PDZD2: variants seen among roughly 807,000 people sequenced by gnomAD.
PDZD2 encodes PDZ domain-containing protein 2.
Under a neutral mutation model 220.7 loss-of-function variants are expected in PDZD2, and 90 were observed. The observed-to-expected ratio is 0.41, with a 90% CI of 0.34 to 0.49. The LOEUF (loss-of-function observed/expected upper bound fraction) is 0.49. PDZD2 is among the 20% of genes least tolerant of loss of function. PDZD2 has a pLI of 0.28. For synonymous variants in PDZD2, 1,375 were observed against 1,450.5 expected (o/e 0.95, Z 1.18); for missense variants, 3,174 against 3,608.5 (o/e 0.88, Z 3.08).
chr5:31,966,243 A>ATG (rs1347615118), intron 2 of PDZD2, among the ~76,000 whole-genome samples: 1 of 152,130 alleles, frequency 6.6e-6, no homozygotes, highest in Non-Finnish European at 1.5e-5. Context: ...AAATGAGCTG[A>ATG]TGTGTGTGTG....
intron 24 of PDZD2, among the ~76,000 whole-genome samples, 168 bp from the exon 25 acceptor site, chr5:32,107,801 A>T (rs1431873402): frequency 2.0e-5 from 3 of 152,140 alleles, no homozygotes; most frequent in Non-Finnish European, 4.4e-5. Flanking sequence ...TTTTCTGTAG[A>T]CCAGTTTACT....
chr5:31,795,015 C>G lies in PDZD2; in HGVS notation c.-360-3874C>G, dbSNP rs184958982. Among the ~76,000 whole-genome samples the G allele has an allele frequency of 5.1e-4, 78 of 152,298 alleles. No individual in the cohort carries two copies. In the Middle Eastern group the frequency reaches 0.014, roughly 27 times the overall value. ...CCCAGCCACGTTAAGGATCTAGGCTCTGAATTTCGGGTGACCCTAGGCCTA... is the reference window on the plus strand; with the variant it reads ...CCCAGCCACGTTAAGGATCTAGGCTGTGAATTTCGGGTGACCCTAGGCCTA... On this transcript the variant is annotated intron_variant, in intron 1 of 24. Transcript: ENST00000438447.
chr5:31,924,391 G>A (rs1343127248), intron 2 of PDZD2, among the ~76,000 whole-genome samples: 2 of 152,174 alleles, frequency 1.3e-5, no homozygotes, highest in Non-Finnish European at 2.9e-5. Context: ...GTCCATGATG[G>A]GGAGAAGCTT....
chr5:31,953,074 AAAAG>A (rs1346325897), intron 2 of PDZD2, among the ~76,000 whole-genome samples: 20 of 151,852 alleles, frequency 1.3e-4, no homozygotes, highest in African/African-American at 4.1e-4. Flanking sequence ...AAAAAAAAAA[AAAAG>A]AAAGAAAAAT....
At chr5:32,056,308 C>T (rs987376252) in intron 10 of PDZD2, among the ~76,000 whole-genome samples, 3 of 148,616 alleles carry the variant, frequency 2.0e-5, no homozygotes, top group Non-Finnish European at 3.0e-5. Flanking sequence ...TGTAACTCAT[C>T]TACAGGATTC....
At chr5:31,889,614 GC>G (rs1740824991) in intron 2 of PDZD2, among the ~76,000 whole-genome samples, 1 of 152,202 alleles carries the variant, frequency 6.6e-6, no homozygotes, top group Non-Finnish European at 1.5e-5. Context: ...AGGGGGAAAA[GC>G]CCTTTACTCG....
chr5:31,943,540 G>A (rs1338836044), intron 2 of PDZD2, among the ~76,000 whole-genome samples: 1 of 152,198 alleles, frequency 6.6e-6, no homozygotes, highest in South Asian at 2.1e-4. Flanking sequence ...TGTACATTCG[G>A]AATGTAATAT....
At position 31,867,630 on chromosome 5, in the gene PDZD2, A is replaced by G. The variant is rs528012820; in HGVS notation, c.476+67906A>G. 2.6e-5 allele frequency among the ~76,000 whole-genome samples: 4 copies of G among 152,296 alleles called. No homozygotes were observed. The East Asian group carries it at 5.8e-4, about 22-fold the overall frequency. ...AAAATCAAAATATTTTGGCTCCACT[A>G]AATCTACAGCTTCAAGTTGGATTCA... is the stretch of plus-strand genomic sequence containing the variant. On this transcript the variant is annotated intron_variant, in intron 2 of 24. Coordinates refer to ENST00000438447, the MANE Select transcript of PDZD2 (RefSeq NM_178140.4).
At chr5:31,840,648 A>C (rs1468234523) in intron 2 of PDZD2, 1 of 724,752 alleles carries the variant, frequency 1.4e-6, no homozygotes, top group Non-Finnish European at 2.5e-6. Flanking sequence ...CATTTTCCTC[A>C]CGCGTTTCAG....
intron 2 of PDZD2, among the ~76,000 whole-genome samples, chr5:31,903,644 CAAAAA>C (rs59822169): frequency 6.0e-5 from 6 of 99,722 alleles, no homozygotes; most frequent in Non-Finnish European, 8.1e-5. Context: ...GACCCTGTCT[CAAAAA>C]AAAAAAAAAA....
chr5:31,777,163 G>C (rs575688178), intron 1 of PDZD2, among the ~76,000 whole-genome samples: 1 of 152,160 alleles, frequency 6.6e-6, no homozygotes, highest in Non-Finnish European at 1.5e-5. Context: ...CGTGAGTTCC[G>C]GGTGGGCACG....
At chr5:31,984,366 C>T (rs1750544138) in intron 3 of PDZD2, among the ~76,000 whole-genome samples, 1 of 152,138 alleles carries the variant, frequency 6.6e-6, no homozygotes, top group Non-Finnish European at 1.5e-5. Flanking sequence ...ACATTCTGTC[C>T]TATGAGAATT....
intron 1 of PDZD2, among the ~76,000 whole-genome samples, chr5:31,750,004 G>A (rs1750849537): frequency 6.6e-6 from 1 of 152,186 alleles, no homozygotes; most frequent in Admixed American, 6.5e-5. Context: ...GGCCATCCAG[G>A]ACTGCGGAAT....
At position 32,089,915 on chromosome 5, in the gene PDZD2, A is replaced by G; in HGVS notation, c.6467A>G (p.Gln2156Arg). Reference protein sequence around the residue: ...SLPSHASQAEQEMSRSFSMAK... With the variant: ...SLPSHASQAEREMSRSFSMAK... Reference sequence around the variant, plus strand: ...CCATCTCATGCCTCCCAGGCAGAGCAGGAAATGTCACGATCATTCAGCATG... The same window carrying G: ...CCATCTCATGCCTCCCAGGCAGAGCGGGAAATGTCACGATCATTCAGCATG... Residue 2156 changes from glutamine (Q) to arginine (R), a missense_variant, in exon 20 of 25, where the codon CAG (glutamine) becomes CGG (arginine). Around this residue, in one of 4 missense-constraint regions of PDZD2, gnomAD observed 1,861 missense variants for 2,001.0 expected, o/e 0.93. Coordinates refer to ENST00000438447, the MANE Select transcript of PDZD2 (RefSeq NM_178140.4). 6.2e-7 allele frequency: 1 copy of G among 1,612,390 alleles called. No homozygotes were observed. The highest frequency in any genetic ancestry group is 8.5e-7 in the Non-Finnish European group (1 of 1,179,078).
intron 2 of PDZD2, among the ~76,000 whole-genome samples, chr5:31,951,688 GC>G (rs1216651098): frequency 6.6e-6 from 1 of 152,144 alleles, no homozygotes; most frequent in Non-Finnish European, 1.5e-5. Flanking sequence ...CTTAGAACGT[GC>G]TGTTACATCA....
intron 1 of PDZD2, among the ~76,000 whole-genome samples, chr5:31,789,703 C>T (rs559831037): frequency 1.5e-3 from 229 of 152,240 alleles, no homozygotes; most frequent in African/African-American, 5.2e-3. Context: ...CCGAGGCATC[C>T]GAGTCAGGAG....
At position 31,725,675 on chromosome 5, in the gene PDZD2, C is replaced by T. The variant is rs191326469; in HGVS notation, c.-360-73214C>T. ...TATCTTGAGCCAGACTTGTAATGTG[C>T]TTTGGAATCTGTTTTTAGAGATGCC... On this transcript the variant is annotated intron_variant, in intron 1 of 24. Coordinates refer to ENST00000438447, the MANE Select transcript of PDZD2 (RefSeq NM_178140.4). 88 of 997,134 alleles carry T rather than the reference C, an allele frequency of 8.8e-5. No individual in the cohort carries two copies. In the East Asian group the frequency reaches 1.6e-3, roughly 18 times the overall value. The allele number at this position is 997,134 out of a possible 1,614,324, so 61.8% of individuals were successfully genotyped here. A position where few individuals can be genotyped will look rare whatever the true frequency, so the allele number is the denominator to read the frequency against.
chr5:31,713,942 T>C (rs1051971149), intron 1 of PDZD2, among the ~76,000 whole-genome samples: 3 of 152,212 alleles, frequency 2.0e-5, no homozygotes, highest in Non-Finnish European at 4.4e-5. Context: ...TGCAGAACCA[T>C]GGGCCAAATA....
rs763048217 is a variant in PDZD2 at position 32,090,802 on chromosome 5, C to T, written c.7354C>T (p.Pro2452Ser). ...GAAATCACTTGGTCCTTTGGGAATT[C>T]CCACCCCAACGATGACCCTGGCTTC... is the stretch of plus-strand genomic sequence containing the variant. The part of the protein sequence containing the change: ...LKKSLGPLGI[P>S]TPTMTLASPV... Residue 2452 changes from proline to serine, a missense_variant, in exon 20 of 25, where the codon CCC becomes TCC. Pro to Ser is a moderately conservative substitution (Grantham distance 74, BLOSUM62 -1). Around this residue, in one of 4 missense-constraint regions of PDZD2, gnomAD observed 631 missense variants for 789.9 expected, o/e 0.80. Transcript: ENST00000438447. This position sits in a 1 kb window ranked among gnomAD's most constrained non-coding sequence, Gnocchi z 4.3. The T allele has an allele frequency of 4.3e-6, 7 of 1,614,100 alleles. No individual in the cohort carries two copies. The highest frequency in any genetic ancestry group is 5.9e-6 in the Non-Finnish European group (7 of 1,180,000).
Sources: allele counts gnomAD v4.1 joint callset (sites outside exome capture counted in the v4.1 genomes callset), GRCh38; gene constraint gnomAD v4.1.1; regional missense constraint gnomAD v4.1.1; non-coding constraint Gnocchi (gnomAD v3.1); transcripts MANE v1.5; gene names NCBI Gene and HGNC (gene_info 2026-07-23, HGNC 2026-07-21).